The following CLMN variants were observed in gnomAD, a reference collection of about 807,000 sequenced individuals.
The protein encoded by CLMN is calmin (calponin-like, transmembrane).
A neutral mutation model predicts 92.7 loss-of-function variants in CLMN; 57 were observed. The observed-to-expected ratio is 0.61, with a 90% CI of 0.50 to 0.77. The LOEUF (loss-of-function observed/expected upper bound fraction) is 0.77. Among genes scored for constraint, CLMN ranks in the 30% least tolerant of loss-of-function variants. CLMN has a pLI of 0.00. For synonymous variants in CLMN, 466 were observed against 470.6 expected, an observed-to-expected ratio of 0.99 and a Z score of 0.13; for missense variants, 1,158 against 1,237.5, an observed-to-expected ratio of 0.94 and a Z score of 0.96.
At chr14:95,197,256 G>A (rs1896742381) in intron 9 of CLMN, among the ~76,000 whole-genome samples, 1 of 151,250 alleles carries the variant, frequency 6.6e-6, no homozygotes, top group African/African-American at 2.4e-5. Context: ...GAAGAAGAAG[G>A]AAGAAGAAGA....
chr14:95,283,134 G>A (rs1900202853), intron 1 of CLMN, among the ~76,000 whole-genome samples: 1 of 152,224 alleles, frequency 6.6e-6, no homozygotes, highest in South Asian at 2.1e-4. Flanking sequence ...CCAGTGGGAG[G>A]TAATTGAGTC....
intron 1 of CLMN, among the ~76,000 whole-genome samples, chr14:95,282,346 A>C (rs1900172818): frequency 6.6e-6 from 1 of 152,184 alleles, no homozygotes; most frequent in Non-Finnish European, 1.5e-5. Context: ...TGGAAAGAGA[A>C]GCAAGTATAG....
intron 1 of CLMN, among the ~76,000 whole-genome samples, chr14:95,239,530 T>A (rs1247524652): frequency 6.6e-6 from 1 of 152,220 alleles, no homozygotes; most frequent in African/African-American, 2.4e-5. Flanking sequence ...CCAATGTTTT[T>A]GTGAAAGTGT....
chr14:95,264,778 A>C (rs530735318), intron 1 of CLMN, among the ~76,000 whole-genome samples: 1 of 152,188 alleles, frequency 6.6e-6, no homozygotes, highest in East Asian at 1.9e-4. Context: ...TAACATCTAA[A>C]TCACACTTTG....
intron 2 of CLMN, among the ~76,000 whole-genome samples, chr14:95,226,751 A>G (rs76941826): frequency 0.073 from 11,129 of 152,038 alleles, 482 homozygotes; most frequent in South Asian, 0.15. Context: ...AATTTTTTAA[A>G]CTTTTTGTAG....
intron 6 of CLMN, among the ~76,000 whole-genome samples, chr14:95,211,667 C>A (rs1187603): frequency 0.022 from 2,615 of 117,590 alleles, 29 homozygotes; most frequent in East Asian, 0.057. Flanking sequence ...AAAAAAAAAA[C>A]CAAAAACAAC....
At chr14:95,219,708 G>A (rs1197671781) in intron 4 of CLMN, among the ~76,000 whole-genome samples, 2 of 152,208 alleles carry the variant, frequency 1.3e-5, no homozygotes, top group East Asian at 1.9e-4. Flanking sequence ...GCTGGCCCAC[G>A]TTTGGCCAGA....
At chr14:95,279,970 T>C (rs1900082428) in intron 1 of CLMN, among the ~76,000 whole-genome samples, 1 of 131,774 alleles carries the variant, frequency 7.6e-6, no homozygotes, top group South Asian at 2.4e-4. Context: ...GAATATGTTG[T>C]TGTTTTTTTT....
In CLMN at chr14:95,194,009, C is replaced by A; in HGVS notation, c.2770-90G>T. On this transcript the variant is annotated intron_variant, in intron 11 of 12. Transcript: ENST00000298912. The surrounding 1 kb of genome is among the most constrained non-coding windows in gnomAD (Gnocchi z 4.0). ...AGAAGATAAAACGATTTTAAACACA[C>A]AAAGCCGAGCATGCCGGGCATTTCT... 2.6e-6 allele frequency: 4 copies of A among 1,556,124 alleles called. No homozygotes were observed. The Admixed American group carries it at 6.0e-5, about 23-fold the overall frequency.
At chr14:95,319,201 T>TC (rs958856049) in intron 1 of CLMN, among the ~76,000 whole-genome samples, 6 of 152,036 alleles carry the variant, frequency 3.9e-5, no homozygotes, top group African/African-American at 1.4e-4. Flanking sequence ...ACCCCACCGA[T>TC]CCGATCCGCA....
intron 1 of CLMN, among the ~76,000 whole-genome samples, chr14:95,234,624 C>T (rs930084945): frequency 4.6e-5 from 7 of 152,194 alleles, no homozygotes; most frequent in African/African-American, 1.7e-4. Flanking sequence ...GGCCAGGATG[C>T]CCAAGTGCCG....
At chr14:95,243,998 T>C (rs1422847375) in intron 1 of CLMN, among the ~76,000 whole-genome samples, 1 of 152,166 alleles carries the variant, frequency 6.6e-6, no homozygotes, top group East Asian at 1.9e-4. Context: ...CGAGATCTGG[T>C]TGTTTAAAGG....
intron 1 of CLMN, among the ~76,000 whole-genome samples, chr14:95,260,340 G>A (rs1231118210): frequency 6.6e-6 from 1 of 152,062 alleles, no homozygotes. Context: ...TACTCGGGAG[G>A]CTGAGGCAGG....
chr14:95,274,299 A>G (rs937411586), intron 1 of CLMN, among the ~76,000 whole-genome samples: 1 of 151,802 alleles, frequency 6.6e-6, no homozygotes, highest in African/African-American at 2.4e-5. Context: ...CTCTTTCCCC[A>G]TCAGACCACA....
chr14:95,258,652 GGTGT>G (rs1171459051), intron 1 of CLMN, among the ~76,000 whole-genome samples: 2 of 135,642 alleles, frequency 1.5e-5, no homozygotes, highest in East Asian at 4.4e-4. Context: ...GTGTGTGGAG[GGTGT>G]GTGTATGTGG....
intron 1 of CLMN, among the ~76,000 whole-genome samples, chr14:95,284,413 G>A (rs1041043533): frequency 3.9e-5 from 6 of 152,212 alleles, no homozygotes; most frequent in East Asian, 3.9e-4. Flanking sequence ...ATAAAAAGAG[G>A]GCCACCATCT....
intron 9 of CLMN, among the ~76,000 whole-genome samples, chr14:95,199,530 G>A (rs577416022): frequency 1.3e-5 from 2 of 152,166 alleles, no homozygotes; most frequent in South Asian, 2.1e-4. Context: ...CGAAACCATC[G>A]TGTAATAAAC....
chr14:95,216,165 A>C (rs2140605132), intron 4 of CLMN, among the ~76,000 whole-genome samples: 1 of 152,318 alleles, frequency 6.6e-6, no homozygotes, highest in African/African-American at 2.4e-5. Context: ...AAGGGGAAGC[A>C]AGACACGTCT....
chr14:95,202,357 G>A (rs1896907997), intron 9 of CLMN, among the ~76,000 whole-genome samples: 1 of 152,158 alleles, frequency 6.6e-6, no homozygotes, highest in Admixed American at 6.5e-5. Flanking sequence ...GATTTTTAAA[G>A]GACTTATTCC....
Sources: gnomAD v4.1 joint callset for allele counts (sites outside exome capture counted in the v4.1 genomes callset) on GRCh38, gnomAD v4.1.1 for gene constraint, Gnocchi (gnomAD v3.1) non-coding constraint, MANE v1.5 for transcripts, NCBI Gene and HGNC (gene_info 2026-07-23, HGNC 2026-07-21) for gene names.